The following SPMIP2 variants were observed in gnomAD, a reference collection of about 807,000 sequenced individuals.
SPMIP2 encodes the protein sperm microtubule inner protein 2, also known as protein SPMIP2.
chr4:159,026,608 T>G, the SPMIP2 span: 2 of 337,072 alleles, frequency 5.9e-6, no homozygotes, highest in Non-Finnish European at 1.1e-5. Flanking sequence ...ATACTGCTTC[T>G]TTTTTTTCAT....
chr4:159,038,105 G>C, the SPMIP2 span, among the ~76,000 whole-genome samples: 1 of 152,094 alleles, frequency 6.6e-6, no homozygotes, highest in South Asian at 2.1e-4. Flanking sequence ...TTGCTACAAA[G>C]TGTAGTTTTC....
At chr4:159,005,051 T>C in the SPMIP2 span, among the ~76,000 whole-genome samples, 1 of 151,828 alleles carries the variant, frequency 6.6e-6, no homozygotes, top group South Asian at 2.1e-4. Context: ...ACCAACATGG[T>C]GAAACCCCAT....
the SPMIP2 span, among the ~76,000 whole-genome samples, chr4:158,955,684 G>A: frequency 6.6e-6 from 1 of 152,326 alleles, no homozygotes; most frequent in African/African-American, 2.4e-5. Context: ...GGGATTACAG[G>A]TGTGAGCCAC....
the SPMIP2 span, among the ~76,000 whole-genome samples, chr4:158,979,030 G>A: frequency 1.3e-5 from 2 of 152,174 alleles, no homozygotes; most frequent in Non-Finnish European, 2.9e-5. Context: ...ATAAGCCCCT[G>A]ACTGGGGGTG....
At chr4:158,927,723 CG>C in the SPMIP2 span, among the ~76,000 whole-genome samples, 1 of 152,240 alleles carries the variant, frequency 6.6e-6, no homozygotes, top group Non-Finnish European at 1.5e-5. Flanking sequence ...AGTGGGAACC[CG>C]GGCTGCGCAA....
chr4:158,895,365 G>T, the SPMIP2 span, among the ~76,000 whole-genome samples: 1 of 152,116 alleles, frequency 6.6e-6, no homozygotes, highest in Non-Finnish European at 1.5e-5. Context: ...ATGTGGTTAC[G>T]TGTAAATTCA....
chr4:159,044,906 A>G, the SPMIP2 span, among the ~76,000 whole-genome samples: 1 of 152,186 alleles, frequency 6.6e-6, no homozygotes, highest in African/African-American at 2.4e-5. Context: ...AGCCTAGCCA[A>G]CATGGTGAAA....
the SPMIP2 span, among the ~76,000 whole-genome samples, chr4:159,068,438 C>T: frequency 1.4e-5 from 2 of 144,622 alleles, no homozygotes; most frequent in South Asian, 2.2e-4. Context: ...CATGTTCTCA[C>T]TCAGGGGTGG....
the SPMIP2 span, among the ~76,000 whole-genome samples, chr4:159,071,505 C>A: frequency 1.3e-5 from 2 of 152,040 alleles, no homozygotes; most frequent in Admixed American, 6.5e-5. Flanking sequence ...AGCAACACAG[C>A]GATTTCTTTT....
chr4:159,020,755 CGTT>C, the SPMIP2 span, among the ~76,000 whole-genome samples: 9 of 151,964 alleles, frequency 5.9e-5, no homozygotes, highest in East Asian at 1.9e-4. Flanking sequence ...TCTTTTTTGT[CGTT>C]GTTGTTGTTG....
At chr4:159,058,779 A>G in the SPMIP2 span, among the ~76,000 whole-genome samples, 2 of 152,202 alleles carry the variant, frequency 1.3e-5, no homozygotes, top group Admixed American at 1.3e-4. Context: ...AGAATAAGAT[A>G]CCTTTTTTAT....
the SPMIP2 span, among the ~76,000 whole-genome samples, chr4:158,951,326 G>A: frequency 6.6e-6 from 1 of 152,146 alleles, no homozygotes; most frequent in Non-Finnish European, 1.5e-5. Flanking sequence ...GACACACCTA[G>A]GCTATTTGGT....
the SPMIP2 span, among the ~76,000 whole-genome samples, chr4:158,964,354 C>T: frequency 0.01 from 1,100 of 105,014 alleles, 15 homozygotes; most frequent in African/African-American, 0.029. Context: ...ACAGCCCCAG[C>T]CTCAGATGAC....
the SPMIP2 span, among the ~76,000 whole-genome samples, chr4:159,036,125 C>G: frequency 6.6e-6 from 1 of 152,174 alleles, no homozygotes; most frequent in Non-Finnish European, 1.5e-5. Context: ...TAAATTCTAA[C>G]AGTAATTTTG....
chr4:159,000,449 C>T, the SPMIP2 span, among the ~76,000 whole-genome samples: 1 of 151,410 alleles, frequency 6.6e-6, no homozygotes, highest in Non-Finnish European at 1.5e-5. Context: ...TAAATGGCAT[C>T]GAATCATACA....
the SPMIP2 span, among the ~76,000 whole-genome samples, chr4:159,064,601 G>C: frequency 6.6e-6 from 1 of 152,090 alleles, no homozygotes; most frequent in Admixed American, 6.6e-5. Context: ...CGTATTTCAT[G>C]TTAACTTTTC....
At chr4:159,000,113 A>G in the SPMIP2 span, among the ~76,000 whole-genome samples, 1 of 152,194 alleles carries the variant, frequency 6.6e-6, no homozygotes, top group African/African-American at 2.4e-5. Context: ...ATTTTTACAT[A>G]TATGTACACA....
the SPMIP2 span, among the ~76,000 whole-genome samples, chr4:159,062,048 T>C: frequency 1.3e-5 from 2 of 152,094 alleles, no homozygotes; most frequent in Admixed American, 1.3e-4. Flanking sequence ...TGAGTGACTG[T>C]ACAAATGCCA....
chr4:159,007,434 T>C, the SPMIP2 span: 1 of 675,044 alleles, frequency 1.5e-6, no homozygotes, highest in South Asian at 1.4e-5. Flanking sequence ...CTGCTTGCCC[T>C]GGTTAAGCCA....
Sources: allele counts gnomAD v4.1 joint callset (sites outside exome capture counted in the v4.1 genomes callset), GRCh38; gene constraint gnomAD v4.1.1; transcripts MANE v1.5; gene names NCBI Gene and HGNC (gene_info 2026-07-23, HGNC 2026-07-21).